GABPB2: variants seen among roughly 807,000 people sequenced by gnomAD.
GABPB2 encodes the protein GA binding protein transcription factor subunit beta 2, also known as GA-binding protein subunit beta-2.
In GABPB2, 23 loss-of-function variants were observed where a neutral mutation model predicts 39.1. The ratio of observed to expected loss-of-function variants is 0.59; its 90% CI spans 0.42 to 0.83. GABPB2 has a LOEUF of 0.83. GABPB2 is among the 40% of genes least tolerant of loss of function. The pLI is 0.00. For missense variants in GABPB2, 467 were observed against 541.1 expected (o/e 0.86, Z 1.36); for synonymous variants, 184 against 199.3 (o/e 0.92, Z 0.65).
At chr1:151,084,028 C>T (rs374399310) in intron 1 of GABPB2, among the ~76,000 whole-genome samples, 31 of 150,438 alleles carry the variant, frequency 2.1e-4, no homozygotes, top group East Asian at 5.8e-4. Flanking sequence ...CATGAGCCAC[C>T]GTGCCCATCC....
chr1:151,117,855 A>T, intron 8 of GABPB2, 102 bp from the exon 9 acceptor site: 1 of 1,153,194 alleles, frequency 8.7e-7, no homozygotes, highest in Non-Finnish European at 1.2e-6. Context: ...AAGTGCTTGG[A>T]TTATAGGTGT....
chr1:151,108,111 G>T (rs182659414), intron 7 of GABPB2, among the ~76,000 whole-genome samples: 1 of 152,086 alleles, frequency 6.6e-6, no homozygotes, highest in Non-Finnish European at 1.5e-5. Context: ...CTCTAAAAAG[G>T]ATATTGGTAA....
At chr1:151,075,433 G>A (rs587699788) in intron 1 of GABPB2, among the ~76,000 whole-genome samples, 6 of 150,162 alleles carry the variant, frequency 4.0e-5, no homozygotes, top group African/African-American at 1.2e-4. Flanking sequence ...GCATGGTGGC[G>A]GGCGCCTGTA....
intron 1 of GABPB2, among the ~76,000 whole-genome samples, chr1:151,086,207 C>T (rs1427424265): frequency 1.3e-5 from 2 of 151,934 alleles, no homozygotes; most frequent in Non-Finnish European, 1.5e-5. Context: ...ATTGTGCCCA[C>T]TGCACTCCAG....
At chr1:151,099,435 A>G (rs1347452877) in intron 5 of GABPB2, among the ~76,000 whole-genome samples, 1 of 152,114 alleles carries the variant, frequency 6.6e-6, no homozygotes, top group African/African-American at 2.4e-5. Flanking sequence ...TGACCTCATG[A>G]TCTACCCGCC....
At position 151,122,082 on chromosome 1, in the gene GABPB2, C is replaced by T. The variant is rs774207998; in HGVS notation, c.*3826C>T. ...CTGCAGTGTTACAGAGGAGCAGAAT[C>T]ACTTGGGTCTCAAAATAGACTGAAA... is the stretch of plus-strand genomic sequence containing the variant. On this transcript the variant is annotated 3_prime_UTR_variant, in exon 9 of 9. Transcript: ENST00000368918. 6.6e-6 allele frequency: 1 copy of T among 152,208 alleles called. No individual in the cohort carries two copies. The highest frequency in any genetic ancestry group is 6.6e-5 in the Admixed American group (1 of 15,266). 9.4% of individuals were successfully genotyped at this position (152,208 alleles called of 1,614,324 possible). A position where few individuals can be genotyped will look rare whatever the true frequency, so the allele number is the denominator to read the frequency against.
At chr1:151,116,630 C>G (rs1235475010) in intron 7 of GABPB2, among the ~76,000 whole-genome samples, 1 of 151,926 alleles carries the variant, frequency 6.6e-6, no homozygotes, top group Non-Finnish European at 1.5e-5. Context: ...TGTTTTAAGA[C>G]AGGGTCTCAT....
chr1:151,109,747 C>T (rs373642270), intron 7 of GABPB2, among the ~76,000 whole-genome samples: 5 of 151,866 alleles, frequency 3.3e-5, no homozygotes, highest in East Asian at 1.9e-4. Flanking sequence ...ATGATTATGG[C>T]GCACTGCAGC....
In GABPB2 at chr1:151,107,237, G is replaced by A. The variant is rs772530608; in HGVS notation, c.922+15G>A. The A allele has an allele frequency of 6.7e-7, 1 of 1,492,264 alleles. No homozygotes were observed. Among genetic ancestry groups the A allele is most frequent in the Non-Finnish European group, 9.0e-7 (1 of 1,114,762 alleles). The allele number at this position is 1,492,264 out of a possible 1,614,324, so 92.4% of individuals were successfully genotyped here. On this transcript the variant is annotated intron_variant, in intron 7 of 8. Coordinates refer to ENST00000368918, the MANE Select transcript of GABPB2 (RefSeq NM_144618.3). ...TGGACAGCAAGGTGAGTTATCTCTT[G>A]TAGACAATTGTTTATTAAAAGATAT...
intron 1 of GABPB2, among the ~76,000 whole-genome samples, chr1:151,077,355 G>GGT (rs1479234479): frequency 1.2e-5 from 1 of 80,914 alleles, no homozygotes; most frequent in East Asian, 6.6e-4. Context: ...CCAACTCATA[G>GGT]GTTTTTTTTT....
intron 6 of GABPB2, among the ~76,000 whole-genome samples, chr1:151,104,563 C>T (rs1679783091): frequency 6.6e-6 from 1 of 152,150 alleles, no homozygotes; most frequent in Admixed American, 6.6e-5. Context: ...TTGGATAAAT[C>T]ACTTCTCCAG....
intron 7 of GABPB2, 99 bp from the exon 8 acceptor site, chr1:151,117,293 C>T: frequency 1.7e-5 from 22 of 1,300,844 alleles, no homozygotes; most frequent in Non-Finnish European, 2.4e-5. Context: ...TGTACCCAAC[C>T]TAGAATATAT....
intron 1 of GABPB2, among the ~76,000 whole-genome samples, chr1:151,081,512 G>C (rs1018052883): frequency 5.3e-5 from 8 of 151,844 alleles, no homozygotes; most frequent in African/African-American, 1.9e-4. Flanking sequence ...AAGAAACAAA[G>C]AAACAAACCG....
At chr1:151,104,814 C>CTTTCTTTCTTTCCTTT (rs1402126253) in intron 6 of GABPB2, among the ~76,000 whole-genome samples, 2 of 36,256 alleles carry the variant, frequency 5.5e-5, no homozygotes, top group Non-Finnish European at 1.6e-4. Context: ...TTCTTTCTTT[C>CTTTCTTTCTTTCCTTT]CTTTCTTTCT....
chr1:151,097,770 CTG>C, intron 4 of GABPB2, 80 bp from the exon 5 acceptor site: 8 of 1,349,894 alleles, frequency 5.9e-6, no homozygotes, highest in Admixed American at 2.2e-5. Context: ...CAGAGTGAGA[CTG>C]TCTCAAAAAA....
At chr1:151,098,582 G>T (rs1359231728) in intron 5 of GABPB2, among the ~76,000 whole-genome samples, 1 of 151,506 alleles carries the variant, frequency 6.6e-6, no homozygotes, top group Non-Finnish European at 1.5e-5. Flanking sequence ...AAATATGAAG[G>T]TGCCTCAACA....
At position 151,123,650 on chromosome 1, in the gene GABPB2, A is replaced by C. The variant is rs372439671; in HGVS notation, c.*5394A>C. 6.6e-6 allele frequency: 1 copy of C among 150,838 alleles called. No homozygotes were observed. The highest frequency in any genetic ancestry group is 2.4e-5 in the African/African-American group (1 of 40,840). 9.3% of individuals were successfully genotyped at this position (150,838 alleles called of 1,614,324 possible). On this transcript the variant is annotated 3_prime_UTR_variant, in exon 9 of 9. Transcript: ENST00000368918. ...GGTGGATCACGAGGTCAGGAGATTG[A>C]GACCATCCTGGCTAACACAGTGAAA...
At chr1:151,096,428 AAGAG>A (rs752864004) in intron 4 of GABPB2, among the ~76,000 whole-genome samples, 4 of 150,840 alleles carry the variant, frequency 2.7e-5, no homozygotes, top group Non-Finnish European at 4.5e-5. Context: ...AAAAAATAAA[AAGAG>A]AGAGAGAGAG....
chr1:151,099,972 C>T (rs1418479365), intron 5 of GABPB2, among the ~76,000 whole-genome samples: 1 of 152,146 alleles, frequency 6.6e-6, no homozygotes, highest in African/African-American at 2.4e-5. Flanking sequence ...CCAACATGCC[C>T]ACCAGGGGGC....
Sources: gnomAD v4.1 joint callset for allele counts (sites outside exome capture counted in the v4.1 genomes callset) on GRCh38, gnomAD v4.1.1 for gene constraint, MANE v1.5 for transcripts, NCBI Gene and HGNC (gene_info 2026-07-23, HGNC 2026-07-21) for gene names.